The following WLS variants were observed in gnomAD, a reference collection of about 807,000 sequenced individuals.
WLS encodes the protein protein wntless homolog.
A neutral mutation model predicts 62.8 loss-of-function variants in WLS; 23 were observed. The observed-to-expected ratio is 0.37, with a 90% CI of 0.26 to 0.52. The LOEUF (loss-of-function observed/expected upper bound fraction) is 0.52, where lower values mean the gene tolerates loss of function less well. WLS is among the 20% of genes least tolerant of loss of function. WLS has a pLI of 0.92. For synonymous variants in WLS, 246 were observed against 244.1 expected, an observed-to-expected ratio of 1.01 and a Z score of -0.07; for missense variants, 615 against 697.3, an observed-to-expected ratio of 0.88 and a Z score of 1.33.
At chr1:68,191,996 T>A (rs908232746) in intron 2 of WLS, among the ~76,000 whole-genome samples, 7 of 152,152 alleles carry the variant, frequency 4.6e-5, no homozygotes, top group Non-Finnish European at 1.0e-4. Context: ...CTCCTGGGCA[T>A]AACTTGGTCA....
At chr1:68,155,718 C>T (rs370915265) in intron 3 of WLS, among the ~76,000 whole-genome samples, 12 of 152,084 alleles carry the variant, frequency 7.9e-5, no homozygotes, top group East Asian at 1.9e-4. Flanking sequence ...TCTTTAATGA[C>T]GGCTAATTAT....
chr1:68,172,416 AATGT>A (rs1647168305), intron 2 of WLS, among the ~76,000 whole-genome samples: 2 of 152,144 alleles, frequency 1.3e-5, no homozygotes, highest in African/African-American at 4.8e-5. Context: ...TAAACATAAA[AATGT>A]ATGTTTATAT....
chr1:68,163,486 G>T (rs1476823731), intron 2 of WLS, among the ~76,000 whole-genome samples: 5 of 150,788 alleles, frequency 3.3e-5, no homozygotes, highest in Non-Finnish European at 4.4e-5. Context: ...TCGCTCCTCC[G>T]GGCCGCTCCC....
At chr1:68,180,546 T>G (rs1015706422) in intron 2 of WLS, among the ~76,000 whole-genome samples, 3 of 152,152 alleles carry the variant, frequency 2.0e-5, no homozygotes, top group Admixed American at 2.0e-4. Context: ...TTATCTCAAG[T>G]AGCAGAACAT....
intron 1 of WLS, among the ~76,000 whole-genome samples, chr1:68,203,301 T>C (rs1649125456): frequency 6.6e-6 from 1 of 152,236 alleles, no homozygotes; most frequent in Admixed American, 6.5e-5. Flanking sequence ...CTAATGCTCC[T>C]TTCCAATACA....
intron 5 of WLS, among the ~76,000 whole-genome samples, chr1:68,151,780 A>G (rs560043188): frequency 1.3e-5 from 2 of 152,238 alleles, no homozygotes; most frequent in South Asian, 4.2e-4. Flanking sequence ...AAGGCACCCA[A>G]TCATCAAGGG....
downstream of WLS, among the ~76,000 whole-genome samples, chr1:68,120,717 TGC>T (rs56751724): frequency 0.29 from 42,658 of 145,202 alleles, 6,157 homozygotes; most frequent in East Asian, 0.43. Context: ...TGTGTGTGTG[TGC>T]GCGCGCGCAC....
chr1:68,100,347 G>A (rs1159610193), intron 11 of WLS, among the ~76,000 whole-genome samples: 2 of 152,132 alleles, frequency 1.3e-5, no homozygotes, highest in Non-Finnish European at 2.9e-5. Flanking sequence ...CCTTCCCAGA[G>A]TGTCCACAGG....
At chr1:68,153,459 G>C in intron 5 of WLS, 58 bp downstream of exon 5, 1 of 1,608,130 alleles carries the variant, frequency 6.2e-7, no homozygotes. Context: ...AAAAGCAAGA[G>C]CTTGGCAGAT....
chr1:68,155,991 T>C (rs1391286923), intron 3 of WLS, among the ~76,000 whole-genome samples: 1 of 152,196 alleles, frequency 6.6e-6, no homozygotes, highest in Admixed American at 6.5e-5. Context: ...GGAAAGCCTC[T>C]TGGACTTCGT....
At chr1:68,102,949 C>A (rs538148808) in intron 11 of WLS, among the ~76,000 whole-genome samples, 1 of 152,178 alleles carries the variant, frequency 6.6e-6, no homozygotes, top group Non-Finnish European at 1.5e-5. Flanking sequence ...CATTTAGAAA[C>A]ACCTGCATCT....
At chr1:68,165,380 A>G (rs1290701167) in intron 2 of WLS, among the ~76,000 whole-genome samples, 2 of 152,112 alleles carry the variant, frequency 1.3e-5, no homozygotes, top group African/African-American at 2.4e-5. Flanking sequence ...GGGGATATAT[A>G]TACCCAGAGC....
In WLS at chr1:68,110,651, A is replaced by ATCTCTCTCTCTCTCTCTC. The variant is rs752431176; in HGVS notation, c.1511-11899_1511-11898insGAGAGAGAGAGAGAGAGA. On this transcript the variant is annotated intron_variant, in intron 11 of 11. Transcript: ENST00000354777. ...GGAACAGACTAAGAAGCCCCCAAAA[A>ATCTCTCTCTCTCTCTCTC]TCTCTGTCTCTCTCTCTCTCTCTCT... Among the ~76,000 whole-genome samples, 241 of 126,156 alleles carry ATCTCTCTCTCTCTCTCTC rather than the reference A, an allele frequency of 1.9e-3. 1 individual carries two copies. The highest frequency in any genetic ancestry group is 6.8e-3 in the African/African-American group (221 of 32,470). The allele number at this position is 126,156 out of a possible 152,430, so 82.8% of individuals were successfully genotyped here.
intron 2 of WLS, among the ~76,000 whole-genome samples, chr1:68,165,114 A>G (rs1175710499): frequency 1.3e-5 from 2 of 152,206 alleles, no homozygotes; most frequent in Non-Finnish European, 2.9e-5. Context: ...ACTGTGTTGA[A>G]AAGGGTGCTT....
intron 5 of WLS, among the ~76,000 whole-genome samples, chr1:68,150,846 T>C (rs1291566418): frequency 6.6e-6 from 1 of 152,262 alleles, no homozygotes; most frequent in Admixed American, 6.5e-5. Context: ...GTTTAGCTTT[T>C]ATTTTACTCT....
chr1:68,195,409 C>G (rs185008253), intron 1 of WLS, among the ~76,000 whole-genome samples: 12 of 152,256 alleles, frequency 7.9e-5, no homozygotes, highest in African/African-American at 2.4e-4. Context: ...ATATTTTAAA[C>G]AAGTTAACAT....
chr1:68,123,985 A>G (rs956033599), downstream of WLS, among the ~76,000 whole-genome samples: 1 of 90,076 alleles, frequency 1.1e-5, no homozygotes, highest in African/African-American at 3.2e-5. Context: ...TCCTACTTAG[A>G]AAACTTTAAG....
chr1:68,216,752 G>A (rs1649744336), intron 1 of WLS, among the ~76,000 whole-genome samples: 1 of 152,138 alleles, frequency 6.6e-6, no homozygotes, highest in Non-Finnish European at 1.5e-5. Flanking sequence ...ACAAGTAGAG[G>A]GTTAATGGTT....
Position 68,158,409 on chromosome 1 carries a change from A to C in WLS, c.504+714T>G, listed in dbSNP as rs554097616. 2.0e-5 allele frequency among the ~76,000 whole-genome samples: 3 copies of C among 152,290 alleles called. No homozygotes were observed. The East Asian group carries it at 5.8e-4, about 29-fold the overall frequency. ...TTTTCTCCTAGTGGCCCATCTGGTT[A>C]ATATCCGCTTTGACTCTCAAATATG... On this transcript the variant is annotated intron_variant, in intron 3 of 11. Coordinates refer to ENST00000262348, the MANE Select transcript of WLS (RefSeq NM_024911.7).
Sources: gnomAD v4.1 joint callset for allele counts (sites outside exome capture counted in the v4.1 genomes callset) on GRCh38, gnomAD v4.1.1 for gene constraint, MANE v1.5 for transcripts, NCBI Gene and HGNC (gene_info 2026-07-23, HGNC 2026-07-21) for gene names.